VDR: variants seen among roughly 807,000 people sequenced by gnomAD.
The protein encoded by VDR is vitamin D3 receptor.
In VDR, 19 loss-of-function variants were observed where a neutral mutation model predicts 39.7. That is an observed-to-expected ratio of 0.48 (90% CI 0.33 to 0.70). VDR has a LOEUF of 0.70. Among genes scored for constraint, VDR ranks in the 30% least tolerant of loss-of-function variants. The probability of loss-of-function intolerance (pLI) is 0.02; values close to 1 mark genes in which losing one functional copy is unlikely to be tolerated. For synonymous variants in VDR, 242 were observed against 215.8 expected (o/e 1.12, Z -1.07); for missense variants, 442 against 570.5 (o/e 0.77, Z 2.29).
In VDR at chr12:47,878,978, CT is replaced by C; in HGVS notation, c.135del (p.Gly46AlafsTer7). On this transcript the variant is annotated frameshift_variant, in exon 3 of 10. Transcript: ENST00000549336. LOFTEE classifies it high-confidence loss of function. Reference sequence around the variant, plus strand: ...GGGAGGAGGGCTCACCTGAAGAAGCCTTTGCAGCCTTCACAGGTCATAGCAT... The same window carrying C: ...GGGAGGAGGGCTCACCTGAAGAAGCCTTGCAGCCTTCACAGGTCATAGCAT... ...HFNAMTCEGC[K>X]GFFRRSMKRK... 1 of 1,614,190 alleles carries C rather than the reference CT, an allele frequency of 6.2e-7. No homozygotes were observed. The highest frequency in any genetic ancestry group is 8.5e-7 in the Non-Finnish European group (1 of 1,180,032).
At chr12:47,887,514 C>T (rs1171142445) in intron 1 of VDR, among the ~76,000 whole-genome samples, 2 of 152,170 alleles carry the variant, frequency 1.3e-5, no homozygotes, top group Non-Finnish European at 2.9e-5. Flanking sequence ...GGAGAAGCAG[C>T]AGAAGATAGC....
chr12:47,878,413 T>C (rs1053372669), intron 3 of VDR, among the ~76,000 whole-genome samples: 12 of 152,350 alleles, frequency 7.9e-5, no homozygotes, highest in African/African-American at 2.9e-4. Context: ...CAAACAGGAA[T>C]GCAGGTACAT....
chr12:47,855,531 AAT>A, intron 7 of VDR, 97 bp downstream of exon 7: 2 of 1,436,484 alleles, frequency 1.4e-6, no homozygotes, highest in South Asian at 1.2e-5. Context: ...AAAAATAAAA[AAT>A]AAAAAAAAGA....
chr12:47,870,690 G>A (rs545250337), intron 3 of VDR, among the ~76,000 whole-genome samples: 27 of 152,272 alleles, frequency 1.8e-4, no homozygotes, highest in Non-Finnish European at 2.8e-4. Flanking sequence ...CAGCAGAGAC[G>A]CACGTTGCAT....
At chr12:47,900,720 AG>A (rs1946542719) in intron 1 of VDR, among the ~76,000 whole-genome samples, 1 of 152,162 alleles carries the variant, frequency 6.6e-6, no homozygotes, top group Non-Finnish European at 1.5e-5. Flanking sequence ...GGTATTCCAC[AG>A]TGCCTGGAAT....
At position 47,846,583 on chromosome 12, in the gene VDR, C is replaced by T; in HGVS notation, c.907+74G>A. On this transcript the variant is annotated intron_variant, in intron 8 of 9. Coordinates refer to ENST00000549336, the MANE Select transcript of VDR (RefSeq NM_000376.3). The stretch of plus-strand genomic sequence containing the variant: ...CTCCCTCCCATGTATCTGATTGGAG[C>T]CAAACCCCAGGACGGGTGGAGCCAG... 2.5e-6 allele frequency: 4 copies of T among 1,577,898 alleles called. No individual in the cohort carries two copies. The South Asian group carries it at 3.3e-5, about 13-fold the overall frequency.
Position 47,884,977 on chromosome 12 carries a change from G to A in VDR, c.-83-2203C>T, listed in dbSNP as rs77077990. Among the ~76,000 whole-genome samples, 19 of 152,232 alleles carry A rather than the reference G, an allele frequency of 1.2e-4. No homozygotes were observed. The East Asian group carries it at 3.7e-3, about 29-fold the overall frequency. On this transcript the variant is annotated intron_variant, in intron 1 of 9. Transcript: ENST00000549336. ...CTAGATTCAGCCTCTAAGTCCAAGT[G>A]CAAGCCTATAGGAAAGTGGGGCAAA... is the stretch of plus-strand genomic sequence containing the variant.
intron 7 of VDR, among the ~76,000 whole-genome samples, chr12:47,849,793 G>A (rs1254006093): frequency 6.6e-6 from 1 of 152,048 alleles, no homozygotes; most frequent in Non-Finnish European, 1.5e-5. Flanking sequence ...AATTAAATTT[G>A]CTCATAACCA....
chr12:47,878,933 C>T lies in VDR; in HGVS notation c.146+35G>A, dbSNP rs1395826606. On this transcript the variant is annotated intron_variant, in intron 3 of 9. Transcript: ENST00000549336. ...GAAACACCTTGCTTCTTCTCCCTCC[C>T]TTTCCACTGGGGAGAGCCTGGGAGG... 2.5e-6 allele frequency: 4 copies of T among 1,613,966 alleles called. No individual in the cohort carries two copies. The East Asian group carries it at 8.9e-5, about 36-fold the overall frequency.
intron 3 of VDR, among the ~76,000 whole-genome samples, chr12:47,872,353 AGCAGAAAGAG>A (rs1194754925): frequency 2.0e-5 from 3 of 152,230 alleles, no homozygotes; most frequent in Admixed American, 1.3e-4. Flanking sequence ...AAGAGAAACT[AGCAGAAAGAG>A]GCAGTGGGAG....
rs11574058 is a variant in VDR, at chr12:47,877,538, AT to A, written c.146+1429del. On this transcript the variant is annotated intron_variant, in intron 3 of 9. Transcript: ENST00000549336. Reference sequence around the variant, plus strand: ...TTTGAGCAAGGACATCCCATAAATTATTGCCATGGCCAGCACCCCAGACCAT... The same window carrying A: ...TTTGAGCAAGGACATCCCATAAATTATGCCATGGCCAGCACCCCAGACCAT... Among the ~76,000 whole-genome samples the A allele has an allele frequency of 2.5e-3, 383 of 152,274 alleles. 4 individuals carry two copies. The highest frequency in any genetic ancestry group is 8.5e-3 in the African/African-American group (352 of 41,548).
intron 7 of VDR, among the ~76,000 whole-genome samples, chr12:47,849,153 G>A (rs946827607): frequency 1.3e-5 from 2 of 152,172 alleles, no homozygotes; most frequent in Non-Finnish European, 2.9e-5. Context: ...CAGATAGGCT[G>A]TCACCCCGTC....
intron 3 of VDR, among the ~76,000 whole-genome samples, chr12:47,870,653 G>T (rs961563784): frequency 2.0e-5 from 3 of 152,130 alleles, no homozygotes; most frequent in African/African-American, 7.2e-5. Context: ...GGGACAGTTG[G>T]GCCTTTCTCC....
chr12:47,844,740 T>C lies in VDR; in HGVS notation c.*6A>G, dbSNP rs755489098. 5.0e-5 allele frequency: 80 copies of C among 1,613,798 alleles called. No homozygotes were observed. Among genetic ancestry groups the C allele is most frequent in the Admixed American group, 6.7e-5 (4 of 59,982 alleles). ...CCCACCCAGGCACCGCCACAGGCTG[T>C]CCTAGTCAGGAGATCTCATTGCCAA... On this transcript the variant is annotated 3_prime_UTR_variant, in exon 10 of 10. Coordinates refer to ENST00000549336, the MANE Select transcript of VDR (RefSeq NM_000376.3).
intron 4 of VDR, among the ~76,000 whole-genome samples, chr12:47,863,281 T>C (rs1359199303): frequency 6.6e-6 from 1 of 152,224 alleles, no homozygotes; most frequent in Non-Finnish European, 1.5e-5. Flanking sequence ...GGTCTTTACC[T>C]CTCTGAGTCT....
At chr12:47,871,376 TCTTC>T (rs1170833467) in intron 3 of VDR, among the ~76,000 whole-genome samples, 4 of 130,596 alleles carry the variant, frequency 3.1e-5, no homozygotes, top group South Asian at 2.6e-4. Context: ...TCTCTCTCTC[TCTTC>T]CTTCCTTCCT....
chr12:47,846,424 G>T lies in VDR; in HGVS notation c.935C>A (p.Pro312His). 1 of 1,570,352 alleles carries T rather than the reference G, an allele frequency of 6.4e-7. No individual in the cohort carries two copies. The highest frequency in any genetic ancestry group is 8.6e-7 in the Non-Finnish European group (1 of 1,157,566). Residue 312 changes from proline to histidine, a missense_variant, in exon 9 of 10, where the codon CCC becomes CAC. Transcript: ENST00000549336. ...CAGTCCCACCTGGAACTTGATGAGG[G>T]GCTCAATCAGCTCCAGGCTGTGTCC... ...KAGHSLELIE[P>H]LIKFQVGLKK...
At chr12:47,900,899 G>A (rs1354379085) in intron 1 of VDR, among the ~76,000 whole-genome samples, 4 of 152,204 alleles carry the variant, frequency 2.6e-5, no homozygotes, top group African/African-American at 7.2e-5. Context: ...GCAGAATGAG[G>A]ACTTTGTATG....
intron 1 of VDR, chr12:47,904,591 T>C: frequency 1.3e-6 from 2 of 1,531,992 alleles, no homozygotes; most frequent in African/African-American, 1.4e-5. Flanking sequence ...CTGAGCACCA[T>C]CGACAGCCAA....
Sources: allele counts gnomAD v4.1 joint callset (sites outside exome capture counted in the v4.1 genomes callset), GRCh38; gene constraint gnomAD v4.1.1; transcripts MANE v1.5; gene names NCBI Gene and HGNC (gene_info 2026-07-23, HGNC 2026-07-21).